The following ARHGEF4 variants were observed in gnomAD, a reference collection of about 807,000 sequenced individuals.
ARHGEF4 encodes the protein Rho guanine nucleotide exchange factor 4.
In ARHGEF4, 119 loss-of-function variants were observed where a neutral mutation model predicts 162.0. The ratio of observed to expected loss-of-function variants is 0.73; its 90% CI spans 0.63 to 0.86. ARHGEF4 has a LOEUF of 0.86. Among genes scored for constraint, ARHGEF4 ranks in the 40% least tolerant of loss-of-function variants. ARHGEF4 has a pLI of 0.00. For synonymous variants in ARHGEF4, 1,014 were observed against 979.9 expected (o/e 1.03, Z -0.65); for missense variants, 2,488 against 2,456.0 (o/e 1.01, Z -0.28).
At chr2:130,928,750 C>G (rs115178150) in intron 2 of ARHGEF4, among the ~76,000 whole-genome samples, 2,500 of 152,242 alleles carry the variant, frequency 0.016, 77 homozygotes, top group African/African-American at 0.057. Context: ...CATCTACCAT[C>G]GTCTCATCAT....
chr2:131,007,445 TA>T (rs2105324950), intron 4 of ARHGEF4, among the ~76,000 whole-genome samples: 1 of 152,358 alleles, frequency 6.6e-6, no homozygotes, highest in Non-Finnish European at 1.5e-5. Flanking sequence ...TTTTATAGGC[TA>T]GGGTATTTTC....
chr2:130,992,492 C>T (rs760831051), intron 4 of ARHGEF4, among the ~76,000 whole-genome samples: 8 of 152,046 alleles, frequency 5.3e-5, no homozygotes, highest in Non-Finnish European at 7.4e-5. Flanking sequence ...AGCTGTAACA[C>T]TCACGGGGAA....
At chr2:130,974,107 TAA>T (rs750848622) in intron 4 of ARHGEF4, among the ~76,000 whole-genome samples, 10 of 134,936 alleles carry the variant, frequency 7.4e-5, no homozygotes, top group Admixed American at 7.5e-5. Context: ...TTGTCTCTAC[TAA>T]AAAAAAAAAA....
rs1689117645 is a variant in ARHGEF4 at position 131,021,328 on chromosome 2, T to C, written c.3986-6617T>C. ...CAGAGCCCTCAGAAATAATGCCCCATATCTACAACTATCTGATCTTTGACA... is the reference window on the plus strand; with the variant it reads ...CAGAGCCCTCAGAAATAATGCCCCACATCTACAACTATCTGATCTTTGACA... On this transcript the variant is annotated intron_variant, in intron 4 of 13. Coordinates refer to ENST00000409359, the MANE Select transcript of ARHGEF4 (RefSeq NM_001367493.1). 1.3e-5 allele frequency among the ~76,000 whole-genome samples: 2 copies of C among 152,096 alleles called. 1 individual carries two copies. The highest frequency in any genetic ancestry group is 4.1e-4 in the South Asian group (2 of 4,824).
chr2:130,837,627 C>T (rs1165398264), intron 1 of ARHGEF4: 1 of 451,170 alleles, frequency 2.2e-6, no homozygotes, highest in East Asian at 7.3e-5. Context: ...CCCACAGGAA[C>T]CCCAAGATGG....
At chr2:130,852,028 C>T (rs1369144997) in intron 1 of ARHGEF4, among the ~76,000 whole-genome samples, 2 of 152,236 alleles carry the variant, frequency 1.3e-5, no homozygotes, top group East Asian at 1.9e-4. Context: ...GCACTTTATC[C>T]GTAGCTATTT....
At position 130,914,497 on chromosome 2, in the gene ARHGEF4, G is replaced by T. The variant is rs1378985729; in HGVS notation, c.551G>T (p.Cys184Phe). ...GGGGTTCCCCGACACACAGGGTGCT[G>T]CTTACAGAGGGCCACAGACAGCAGT... ...LAGVPRHTGC[C>F]LQRATDSSGP... is the part of the protein sequence containing the mutation. The change falls in exon 2 of 14, where the codon TGC becomes TTC. Residue 184 changes from cysteine to phenylalanine, a missense_variant. By Grantham distance (205) the Cys-to-Phe change is radical (BLOSUM62 -2). Transcript: ENST00000409359. The T allele has an allele frequency of 4.9e-6, 7 of 1,431,904 alleles. No homozygotes were observed. Among genetic ancestry groups the T allele is most frequent in the South Asian group, 1.5e-5 (1 of 65,542 alleles). 88.7% of individuals were successfully genotyped at this position (1,431,904 alleles called of 1,614,324 possible).
chr2:130,837,374 C>T, intron 1 of ARHGEF4: 1 of 327,136 alleles, frequency 3.1e-6, no homozygotes, highest in East Asian at 1.1e-4. Flanking sequence ...GGAGCCTCTG[C>T]CGCTTGGCGC....
intron 1 of ARHGEF4, among the ~76,000 whole-genome samples, chr2:130,857,213 CAG>C (rs574643896): frequency 4.2e-4 from 63 of 151,724 alleles, no homozygotes; most frequent in African/African-American, 1.4e-3. Flanking sequence ...GCCTGGGCGA[CAG>C]AGCGAGACTC....
intron 6 of ARHGEF4, chr2:131,039,657 G>C: frequency 8.5e-7 from 1 of 1,172,056 alleles, no homozygotes; most frequent in Non-Finnish European, 1.1e-6. Context: ...TTGCATGTTA[G>C]CCAGCGGGCG....
At chr2:130,870,277 G>A (rs116661214) in intron 1 of ARHGEF4, among the ~76,000 whole-genome samples, 2,166 of 152,298 alleles carry the variant, frequency 0.014, 54 homozygotes, top group African/African-American at 0.049. Flanking sequence ...CTAGCCCCCG[G>A]GAGCAGGGTA....
intron 4 of ARHGEF4, 88 bp downstream of exon 4, chr2:130,946,723 T>G: frequency 6.4e-7 from 1 of 1,571,334 alleles, no homozygotes. Flanking sequence ...CTGTATCCAC[T>G]TGCCTGGTAG....
chr2:130,942,149 T>A (rs112074116), intron 3 of ARHGEF4, among the ~76,000 whole-genome samples: 32,498 of 140,966 alleles, frequency 0.23, 4,460 homozygotes, highest in African/African-American at 0.41. Flanking sequence ...TTTTTTCTTT[T>A]TTCTTTTTTT....
intron 4 of ARHGEF4, among the ~76,000 whole-genome samples, chr2:130,964,746 G>C (rs1216652482): frequency 6.6e-6 from 1 of 152,244 alleles, no homozygotes; most frequent in South Asian, 2.1e-4. Flanking sequence ...CAGGACTGCA[G>C]CTCCCAGCGG....
At chr2:131,045,881 T>C in intron 13 of ARHGEF4, 157 bp from the exon 14 acceptor site, 1 of 1,486,918 alleles carries the variant, frequency 6.7e-7, no homozygotes, top group South Asian at 1.4e-5. Flanking sequence ...AGCTCTTGGA[T>C]GTGGTCAGCT....
chr2:130,973,291 C>T (rs1338612403), intron 4 of ARHGEF4, among the ~76,000 whole-genome samples: 3 of 152,214 alleles, frequency 2.0e-5, no homozygotes, highest in African/African-American at 4.8e-5. Flanking sequence ...GAACTCAAGA[C>T]CAGCCTGGCC....
At chr2:130,842,761 G>A (rs567597530) in intron 1 of ARHGEF4, among the ~76,000 whole-genome samples, 38 of 152,284 alleles carry the variant, frequency 2.5e-4, no homozygotes, top group Non-Finnish European at 4.3e-4. Context: ...CCACCTTCCT[G>A]CAGATCTCTT....
chr2:130,840,368 C>G (rs1328914287), intron 1 of ARHGEF4, among the ~76,000 whole-genome samples: 1 of 152,174 alleles, frequency 6.6e-6, no homozygotes, highest in Non-Finnish European at 1.5e-5. Context: ...ATCTGTCCAC[C>G]GCATTTTCAG....
chr2:130,867,143 T>C (rs1277851034), intron 1 of ARHGEF4, among the ~76,000 whole-genome samples: 5 of 152,114 alleles, frequency 3.3e-5, no homozygotes, highest in Non-Finnish European at 7.4e-5. Flanking sequence ...GTCTACATTT[T>C]CAAACTGGGG....
Sources: gnomAD v4.1 joint callset for allele counts (sites outside exome capture counted in the v4.1 genomes callset) on GRCh38, gnomAD v4.1.1 for gene constraint, MANE v1.5 for transcripts, NCBI Gene and HGNC (gene_info 2026-07-23, HGNC 2026-07-21) for gene names.